THEMIS: variants seen among roughly 807,000 people sequenced by gnomAD.
THEMIS encodes the protein thymocyte selection associated, also known as protein THEMIS.
A neutral mutation model predicts 52.6 loss-of-function variants in THEMIS; 37 were observed. The ratio of observed to expected loss-of-function variants is 0.70; its 90% CI spans 0.54 to 0.93. THEMIS has a LOEUF of 0.93. Among genes scored for constraint, THEMIS ranks in the 40% least tolerant of loss-of-function variants. THEMIS has a pLI of 0.00. For synonymous variants in THEMIS, 292 were observed against 272.7 expected (o/e 1.07, Z -0.70); for missense variants, 808 against 763.1 (o/e 1.06, Z -0.69).
At chr6:127,731,079 A>G (rs866661908) in intron 4 of THEMIS, among the ~76,000 whole-genome samples, 1 of 152,242 alleles carries the variant, frequency 6.6e-6, no homozygotes, top group African/African-American at 2.4e-5. Context: ...CATATTTAGT[A>G]CATCCTGCAG....
At chr6:127,720,984 G>C (rs1466786702) in intron 4 of THEMIS, among the ~76,000 whole-genome samples, 2 of 151,896 alleles carry the variant, frequency 1.3e-5, no homozygotes, top group African/African-American at 4.8e-5. Flanking sequence ...CTCCTACTCT[G>C]ACTTTTGGCC....
intron 4 of THEMIS, among the ~76,000 whole-genome samples, chr6:127,741,643 T>C (rs571080550): frequency 6.6e-6 from 1 of 152,332 alleles, no homozygotes; most frequent in African/African-American, 2.4e-5. Context: ...GTGGAAGTCA[T>C]TTATGGTTAC....
chr6:127,814,053 T>C, intron 3 of THEMIS, 122 bp from the exon 4 acceptor site: 1 of 808,030 alleles, frequency 1.2e-6, no homozygotes, highest in African/African-American at 1.8e-5. Flanking sequence ...GATCATCATA[T>C]ATCATTTCTT....
At chr6:127,828,589 C>A (rs1365523229) in intron 3 of THEMIS, among the ~76,000 whole-genome samples, 11 of 152,124 alleles carry the variant, frequency 7.2e-5, no homozygotes, top group Non-Finnish European at 1.5e-4. Flanking sequence ...GGTATTAACA[C>A]CTTTGAAGTA....
intron 4 of THEMIS, among the ~76,000 whole-genome samples, chr6:127,773,353 ACTT>A (rs1302902065): frequency 1.3e-5 from 2 of 152,204 alleles, no homozygotes; most frequent in African/African-American, 4.8e-5. Context: ...AATGCTAGAA[ACTT>A]CTAAAAGAAG....
chr6:127,737,152 T>G (rs1690703839), intron 4 of THEMIS, among the ~76,000 whole-genome samples: 1 of 152,190 alleles, frequency 6.6e-6, no homozygotes, highest in African/African-American at 2.4e-5. Flanking sequence ...GCAACTACCT[T>G]TCAGAGTGTA....
chr6:127,701,592 G>A, the THEMIS span, among the ~76,000 whole-genome samples: 1 of 152,106 alleles, frequency 6.6e-6, no homozygotes. Flanking sequence ...GTAGGTGTAT[G>A]TTTAGCTTTA....
chr6:127,819,625 G>C (rs57507694), intron 3 of THEMIS, among the ~76,000 whole-genome samples: 18,269 of 152,102 alleles, frequency 0.12, 1,478 homozygotes, highest in East Asian at 0.35. Flanking sequence ...AGAAGAGAAT[G>C]GAGTGACAAA....
At chr6:127,755,679 T>C (rs746481429) in intron 4 of THEMIS, among the ~76,000 whole-genome samples, 3 of 152,160 alleles carry the variant, frequency 2.0e-5, no homozygotes, top group Non-Finnish European at 4.4e-5. Context: ...AATCAAAGTG[T>C]GTCATTTAGC....
chr6:127,899,226 C>G (rs1441956002), intron 1 of THEMIS, among the ~76,000 whole-genome samples: 1 of 151,484 alleles, frequency 6.6e-6, no homozygotes, highest in Non-Finnish European at 1.5e-5. Flanking sequence ...CACATGTATC[C>G]CATAAATATG....
rs184976180 is a variant in THEMIS, at chr6:127,858,245, G to A, written c.92-3057C>T. On this transcript the variant is annotated intron_variant, in intron 1 of 5. Coordinates refer to ENST00000368248, the MANE Select transcript of THEMIS (RefSeq NM_001010923.3). ...ACAAGAAAAGCTTTTGACTCTTCAG[G>A]TCTTTTTCCAAGCAAGTCTTTCCTT... is the stretch of plus-strand genomic sequence containing the variant. Among the ~76,000 whole-genome samples, 75 of 152,024 alleles carry A rather than the reference G, an allele frequency of 4.9e-4. 1 individual carries two copies. Among genetic ancestry groups the A allele is most frequent in the African/African-American group, 1.8e-3 (73 of 41,500 alleles).
chr6:127,802,203 T>C (rs1777559066), intron 4 of THEMIS, among the ~76,000 whole-genome samples: 1 of 152,140 alleles, frequency 6.6e-6, no homozygotes, highest in East Asian at 1.9e-4. Flanking sequence ...GTGGAGTGGA[T>C]TAGTCACTTT....
chr6:127,774,199 T>G (rs1776479516), intron 4 of THEMIS, among the ~76,000 whole-genome samples: 1 of 152,366 alleles, frequency 6.6e-6, no homozygotes, highest in African/African-American at 2.4e-5. Context: ...TCTTAATTTT[T>G]TAATTTTAAT....
chr6:127,707,570 C>T (rs1374526378), downstream of THEMIS, among the ~76,000 whole-genome samples: 2 of 152,016 alleles, frequency 1.3e-5, no homozygotes, highest in African/African-American at 4.8e-5. Flanking sequence ...TAGAAGCAGT[C>T]AGAAGTGTTA....
intron 1 of THEMIS, among the ~76,000 whole-genome samples, chr6:127,906,476 A>G (rs542323219): frequency 2.7e-4 from 41 of 152,146 alleles, no homozygotes; most frequent in African/African-American, 9.4e-4. Context: ...ACTCATCTAT[A>G]TTACAAACTG....
At chr6:127,781,849 C>T (rs1167609000) in intron 4 of THEMIS, among the ~76,000 whole-genome samples, 1 of 152,190 alleles carries the variant, frequency 6.6e-6, no homozygotes, top group Non-Finnish European at 1.5e-5. Flanking sequence ...CAGGAGGTGT[C>T]TCCCAGTCAG....
chr6:127,773,576 ATT>A (rs1449788201), intron 4 of THEMIS, among the ~76,000 whole-genome samples: 2 of 152,310 alleles, frequency 1.3e-5, no homozygotes, highest in East Asian at 1.9e-4. Context: ...GATTGTGGAT[ATT>A]TTCATCACAT....
chr6:127,854,545 T>G (rs1204789350), intron 2 of THEMIS, among the ~76,000 whole-genome samples: 1 of 151,584 alleles, frequency 6.6e-6, no homozygotes, highest in Non-Finnish European at 1.5e-5. Context: ...TTTGAGCTAG[T>G]TTTGGAGGGC....
intron 4 of THEMIS, among the ~76,000 whole-genome samples, chr6:127,732,504 T>C (rs1437317818): frequency 6.6e-6 from 1 of 152,262 alleles, no homozygotes; most frequent in Non-Finnish European, 1.5e-5. Flanking sequence ...GATCTGGAAA[T>C]AGAATATTAG....
Sources: gnomAD v4.1 joint callset for allele counts (sites outside exome capture counted in the v4.1 genomes callset) on GRCh38, gnomAD v4.1.1 for gene constraint, MANE v1.5 for transcripts, NCBI Gene and HGNC (gene_info 2026-07-23, HGNC 2026-07-21) for gene names.